The following MGMT variants were observed in gnomAD, a reference collection of about 807,000 sequenced individuals.
MGMT encodes the protein methylated-DNA--protein-cysteine methyltransferase.
Under a neutral mutation model 15.9 loss-of-function variants are expected in MGMT, and 14 were observed. The ratio of observed to expected loss-of-function variants is 0.88; its 90% CI spans 0.58 to 1.37. MGMT has a LOEUF of 1.37. Among genes scored for constraint, MGMT ranks in the 40% most tolerant of loss-of-function variants. MGMT has a pLI of 0.00. For missense variants in MGMT, 282 were observed against 268.1 expected (o/e 1.05, Z -0.36); for synonymous variants, 130 against 118.2 (o/e 1.10, Z -0.65).
intron 2 of MGMT, among the ~76,000 whole-genome samples, chr10:129,546,422 AG>A (rs1323727825): frequency 6.6e-6 from 1 of 152,174 alleles, no homozygotes; most frequent in African/African-American, 2.4e-5. Flanking sequence ...AGGGGCATGG[AG>A]GGGTAGCAGA....
At chr10:129,709,745 GT>G (rs1405031644) in intron 3 of MGMT, among the ~76,000 whole-genome samples, 1 of 152,156 alleles carries the variant, frequency 6.6e-6, no homozygotes, top group African/African-American at 2.4e-5. Flanking sequence ...AAAATCGTTA[GT>G]TTTCTCCAAG....
At chr10:129,718,746 G>A (rs1179888317) in intron 3 of MGMT, among the ~76,000 whole-genome samples, 5 of 152,000 alleles carry the variant, frequency 3.3e-5, no homozygotes, top group African/African-American at 9.7e-5. Context: ...CTGCTAAGGC[G>A]TGTCACCTTC....
intron 2 of MGMT, among the ~76,000 whole-genome samples, chr10:129,558,905 G>A (rs1428664973): frequency 1.3e-5 from 2 of 152,202 alleles, no homozygotes; most frequent in East Asian, 1.9e-4. Context: ...CTGCATCCCC[G>A]ACGCCGGGCT....
At chr10:129,627,093 G>A (rs1159304213) in intron 2 of MGMT, among the ~76,000 whole-genome samples, 4 of 152,216 alleles carry the variant, frequency 2.6e-5, no homozygotes, top group South Asian at 2.1e-4. Flanking sequence ...GCTGTGGGCC[G>A]TGTGTCTCCC....
intron 2 of MGMT, among the ~76,000 whole-genome samples, chr10:129,646,754 A>ATATATATATATT: frequency 1.8e-4 from 16 of 86,674 alleles, no homozygotes; most frequent in African/African-American, 5.9e-4. Context: ...ATATATATAT[A>ATATATATATATT]TTTTCAGGGA....
At chr10:129,592,553 A>AT (rs1161799156) in intron 2 of MGMT, among the ~76,000 whole-genome samples, 2 of 152,210 alleles carry the variant, frequency 1.3e-5, no homozygotes, top group African/African-American at 4.8e-5. Flanking sequence ...CAGACAGTTG[A>AT]TTCGGAAGGC....
chr10:129,550,339 A>G (rs1846142663), intron 2 of MGMT, among the ~76,000 whole-genome samples: 1 of 138,738 alleles, frequency 7.2e-6, no homozygotes, highest in Non-Finnish European at 1.6e-5. Context: ...CAGCACCGGC[A>G]TGTTTCACAG....
chr10:129,471,315 A>C (rs1209708553), intron 1 of MGMT, among the ~76,000 whole-genome samples: 1 of 152,230 alleles, frequency 6.6e-6, no homozygotes. Flanking sequence ...AGAGATATTT[A>C]GGTGGGTGAA....
At chr10:129,602,811 A>C (rs1468843862) in intron 2 of MGMT, among the ~76,000 whole-genome samples, 1 of 152,122 alleles carries the variant, frequency 6.6e-6, no homozygotes, top group Non-Finnish European at 1.5e-5. Context: ...TCTGGTGTCT[A>C]CACAGATTTC....
intron 3 of MGMT, among the ~76,000 whole-genome samples, chr10:129,731,545 G>A (rs555905824): frequency 2.6e-5 from 4 of 151,556 alleles, no homozygotes; most frequent in East Asian, 1.9e-4. Flanking sequence ...ACAGGCACCC[G>A]CCACCACACC....
At chr10:129,561,558 C>T (rs927812988) in intron 2 of MGMT, among the ~76,000 whole-genome samples, 2 of 152,138 alleles carry the variant, frequency 1.3e-5, no homozygotes, top group Non-Finnish European at 2.9e-5. Context: ...TTGTCAATTT[C>T]GGTGTCAAGG....
Position 129,658,369 on chromosome 10 carries a change from C to G in MGMT, c.126-49526C>G, listed in dbSNP as rs558063858. On this transcript the variant is annotated intron_variant, in intron 2 of 4. Transcript: ENST00000651593. Reference sequence around the variant, plus strand: ...TACTCTATTTGTTTTATAAAATATGCATTGAGAGCAACACCAAAATGCTGA... The same window carrying G: ...TACTCTATTTGTTTTATAAAATATGGATTGAGAGCAACACCAAAATGCTGA... Among the ~76,000 whole-genome samples the G allele has an allele frequency of 3.3e-5, 5 of 152,278 alleles. No individual in the cohort carries two copies. The East Asian group carries it at 9.7e-4, about 29-fold the overall frequency.
At chr10:129,517,760 T>G (rs900937542) in intron 1 of MGMT, among the ~76,000 whole-genome samples, 9 of 147,226 alleles carry the variant, frequency 6.1e-5, no homozygotes, top group African/African-American at 2.4e-4. Flanking sequence ...GCTTCCTGTC[T>G]CCACACCCTG....
Position 129,467,250 on chromosome 10 carries a change from C to T in MGMT, c.-59C>T, listed in dbSNP as rs762183370. 1.1e-5 allele frequency: 17 copies of T among 1,542,098 alleles called. No homozygotes were observed. Among genetic ancestry groups the T allele is most frequent in the Admixed American group, 9.9e-5 (5 of 50,302 alleles). On this transcript the variant is annotated 5_prime_UTR_variant, in exon 1 of 5. Transcript: ENST00000651593. ...CAGCCCGCGCCCCTAGAACGCTTTG[C>T]GTCCCGACGCCCGCAGGTCCTCGCG... is the stretch of plus-strand genomic sequence containing the variant.
intron 2 of MGMT, among the ~76,000 whole-genome samples, chr10:129,684,467 A>G (rs1168668151): frequency 6.6e-6 from 1 of 152,232 alleles, no homozygotes; most frequent in Non-Finnish European, 1.5e-5. Context: ...TTCTTTTTCC[A>G]CAAATACAAA....
intron 3 of MGMT, among the ~76,000 whole-genome samples, chr10:129,712,606 C>A (rs77969755): frequency 6.6e-6 from 1 of 152,082 alleles, no homozygotes; most frequent in African/African-American, 2.4e-5. Flanking sequence ...AGGGTGAATT[C>A]GTTAAGGTTC....
intron 1 of MGMT, among the ~76,000 whole-genome samples, chr10:129,505,216 G>T (rs1409343131): frequency 4.0e-5 from 6 of 151,536 alleles, no homozygotes; most frequent in Non-Finnish European, 5.9e-5. Flanking sequence ...AGATTCTGTG[G>T]TAGATAAATA....
intron 2 of MGMT, among the ~76,000 whole-genome samples, chr10:129,652,658 T>C (rs2133098862): frequency 6.6e-6 from 1 of 152,272 alleles, no homozygotes; most frequent in South Asian, 2.1e-4. Flanking sequence ...GTGCCTACTG[T>C]GTGGGGGCTT....
intron 2 of MGMT, chr10:129,536,716 C>A: frequency 5.5e-6 from 1 of 182,768 alleles, no homozygotes; most frequent in Non-Finnish European, 1.1e-5. Flanking sequence ...GCATATGTCT[C>A]TGGAAATTTA....
Sources: allele counts gnomAD v4.1 joint callset (sites outside exome capture counted in the v4.1 genomes callset), GRCh38; gene constraint gnomAD v4.1.1; transcripts MANE v1.5; gene names NCBI Gene and HGNC (gene_info 2026-07-23, HGNC 2026-07-21).